Variants in SGCZ observed in about 807,000 individuals in gnomAD.
SGCZ encodes the protein zeta-sarcoglycan.
Under a neutral mutation model 41.3 loss-of-function variants are expected in SGCZ, and 40 were observed. The observed-to-expected ratio is 0.97, with a 90% CI of 0.75 to 1.26. The LOEUF is 1.26. Ranked by LOEUF, SGCZ falls within the 50% of genes most tolerant of loss-of-function variation. The probability of loss-of-function intolerance (pLI) is 0.00; values close to 1 mark genes in which losing one functional copy is unlikely to be tolerated. For synonymous variants in SGCZ, 206 were observed against 137.5 expected (o/e 1.50, Z -3.49); for missense variants, 552 against 369.8 (o/e 1.49, Z -4.04).
chr8:14,577,041 T>G (rs1007329861), intron 1 of SGCZ, among the ~76,000 whole-genome samples: 18 of 152,252 alleles, frequency 1.2e-4, no homozygotes, highest in African/African-American at 4.3e-4. Context: ...ACTGTACATT[T>G]CTTGACTAAG....
chr8:14,527,979 G>A (rs1803006338), intron 2 of SGCZ, among the ~76,000 whole-genome samples: 1 of 152,036 alleles, frequency 6.6e-6, no homozygotes, highest in Admixed American at 6.6e-5. Flanking sequence ...TCTATCATAT[G>A]AGTGAACTTA....
chr8:15,192,942 C>T (rs1800588708), intron 1 of SGCZ, among the ~76,000 whole-genome samples: 1 of 152,004 alleles, frequency 6.6e-6, no homozygotes, highest in Non-Finnish European at 1.5e-5. Context: ...GAGATTCATA[C>T]CAAATATCAT....
intron 1 of SGCZ, among the ~76,000 whole-genome samples, chr8:14,856,426 G>C (rs1803547149): frequency 6.6e-6 from 1 of 151,608 alleles, no homozygotes; most frequent in African/African-American, 2.4e-5. Context: ...CAAAAGTTCA[G>C]CACTATCACA....
rs571453724 is a variant in SGCZ, at chr8:14,087,210, T to C, written c.*3233A>G. ...TATATTTTAGACATAAATGTGTGTA[T>C]GTGTGTGTATGACTAATAAGTAAGT... is the stretch of plus-strand genomic sequence containing the variant. On this transcript the variant is annotated 3_prime_UTR_variant, in exon 8 of 8. Coordinates refer to ENST00000382080, the MANE Select transcript of SGCZ (RefSeq NM_139167.4). 1.8e-4 allele frequency among the ~76,000 whole-genome samples: 27 copies of C among 151,814 alleles called. No individual in the cohort carries two copies. Among genetic ancestry groups the C allele is most frequent in the Non-Finnish European group, 2.8e-4 (19 of 67,748 alleles).
chr8:14,621,625 G>C (rs1317830322), intron 1 of SGCZ, among the ~76,000 whole-genome samples: 2 of 152,080 alleles, frequency 1.3e-5, no homozygotes, highest in Non-Finnish European at 2.9e-5. Context: ...TGAAGGGGAG[G>C]CTTATACATC....
chr8:14,868,462 T>C (rs1804015623), intron 1 of SGCZ, among the ~76,000 whole-genome samples: 1 of 152,176 alleles, frequency 6.6e-6, no homozygotes, highest in Admixed American at 6.6e-5. Flanking sequence ...CATGAACTTC[T>C]GTATCTGTTT....
At chr8:14,881,941 T>C (rs931149973) in intron 1 of SGCZ, among the ~76,000 whole-genome samples, 1 of 152,070 alleles carries the variant, frequency 6.6e-6, no homozygotes, top group African/African-American at 2.4e-5. Flanking sequence ...ACCAAAGAAC[T>C]ACATGGAAAT....
intron 1 of SGCZ, among the ~76,000 whole-genome samples, chr8:14,716,288 G>A (rs144507505): frequency 6.6e-6 from 1 of 152,094 alleles, no homozygotes; most frequent in African/African-American, 2.4e-5. Flanking sequence ...GAGAAAAATA[G>A]GAGCCCATGA....
At chr8:14,210,630 A>T (rs1174347739) in intron 4 of SGCZ, among the ~76,000 whole-genome samples, 1 of 150,724 alleles carries the variant, frequency 6.6e-6, no homozygotes, top group Admixed American at 6.6e-5. Flanking sequence ...TCTCTGCTAA[A>T]TTTTTTGTAT....
chr8:14,289,772 G>T (rs1244113520), intron 3 of SGCZ, among the ~76,000 whole-genome samples: 1 of 151,042 alleles, frequency 6.6e-6, no homozygotes, highest in African/African-American at 2.4e-5. Context: ...TAGAAGAACT[G>T]TATTAGTCCA....
chr8:14,674,809 G>A (rs1396867042), intron 1 of SGCZ, among the ~76,000 whole-genome samples: 2 of 150,842 alleles, frequency 1.3e-5, no homozygotes. Context: ...CTTTTGCCAT[G>A]TAAACTGCCT....
intron 1 of SGCZ, among the ~76,000 whole-genome samples, chr8:15,216,537 G>A (rs1448370089): frequency 6.6e-6 from 1 of 151,820 alleles, no homozygotes; most frequent in Non-Finnish European, 1.5e-5. Context: ...TCTTTCTAAA[G>A]GATGTTGGAC....
intron 1 of SGCZ, among the ~76,000 whole-genome samples, chr8:14,766,727 A>ATTTTTTTTTTTTTTT (rs33955290): frequency 1.1e-5 from 1 of 92,802 alleles, no homozygotes; most frequent in African/African-American, 4.5e-5. Flanking sequence ...ATGTCCAGCT[A>ATTTTTTTTTTTTTTT]TTTTTTTTTT....
At position 14,554,915 on chromosome 8, in the gene SGCZ, T is replaced by C; in HGVS notation, c.51A>G (p.Glu17=). Residue 17 remains glutamate, a synonymous_variant, in exon 2 of 8, where the codon GAA becomes GAG. Coordinates refer to ENST00000382080, the MANE Select transcript of SGCZ (RefSeq NM_139167.4). Reference sequence around the variant, plus strand: ...TCTGTTGGGTTGCTAGTATGTATTGTTCTCGTGTCATCTGAAAAAGAAAAA... The same window carrying C: ...TCTGTTGGGTTGCTAGTATGTATTGCTCTCGTGTCATCTGAAAAAGAAAAA... ...LDIEELKMTR[E]QYILATQQNN... is the part of the protein sequence containing the mutation. The C allele has an allele frequency of 6.4e-7, 1 of 1,566,118 alleles. No individual in the cohort carries two copies. Among genetic ancestry groups the C allele is most frequent in the Non-Finnish European group, 8.7e-7 (1 of 1,154,134 alleles).
At chr8:14,660,269 A>G (rs901015000) in intron 1 of SGCZ, among the ~76,000 whole-genome samples, 15 of 152,264 alleles carry the variant, frequency 9.9e-5, no homozygotes, top group African/African-American at 3.4e-4. Flanking sequence ...GGTTACTGTC[A>G]TAGAAAAATA....
chr8:14,179,651 C>T (rs1804659830), intron 4 of SGCZ, among the ~76,000 whole-genome samples: 1 of 152,122 alleles, frequency 6.6e-6, no homozygotes, highest in Non-Finnish European at 1.5e-5. Context: ...GGAAGGTAAT[C>T]CCCAAAAGAT....
At chr8:14,416,207 T>C (rs1385116158) in intron 2 of SGCZ, among the ~76,000 whole-genome samples, 1 of 151,882 alleles carries the variant, frequency 6.6e-6, no homozygotes. Flanking sequence ...AGGAAACACA[T>C]TCTTGCCAGA....
chr8:14,333,223 A>C (rs891635311), intron 2 of SGCZ, among the ~76,000 whole-genome samples: 2 of 152,188 alleles, frequency 1.3e-5, no homozygotes, highest in Admixed American at 6.5e-5. Context: ...TGTGGGAGAG[A>C]CTTGCTGTAA....
At chr8:15,098,514 C>T (rs905285807) in intron 1 of SGCZ, among the ~76,000 whole-genome samples, 1 of 152,168 alleles carries the variant, frequency 6.6e-6, no homozygotes, top group Non-Finnish European at 1.5e-5. Flanking sequence ...CAGAAGAATG[C>T]TTCGTATTTA....
Sources: gnomAD v4.1 joint callset for allele counts (sites outside exome capture counted in the v4.1 genomes callset) on GRCh38, gnomAD v4.1.1 for gene constraint, MANE v1.5 for transcripts, NCBI Gene and HGNC (gene_info 2026-07-23, HGNC 2026-07-21) for gene names.